The following COX5A variants were observed in gnomAD, a reference collection of about 807,000 sequenced individuals.
COX5A encodes cytochrome c oxidase subunit 5A, mitochondrial.
COX5A carries 6 observed loss-of-function variants against 16.1 expected under a neutral mutation model. The observed-to-expected ratio is 0.37, with a 90% CI of 0.20 to 0.73. COX5A has a LOEUF of 0.73. COX5A is among the 30% of genes least tolerant of loss of function. The pLI, the probability that COX5A is intolerant of heterozygous loss-of-function variation, is 0.50. For missense variants in COX5A, 159 were observed against 194.9 expected (o/e 0.82, Z 1.10); for synonymous variants, 73 against 73.8 (o/e 0.99, Z 0.06).
intron 1 of COX5A, among the ~76,000 whole-genome samples, chr15:74,930,727 A>T (rs1296799033): frequency 6.7e-6 from 1 of 149,282 alleles, no homozygotes; most frequent in East Asian, 2.0e-4. Context: ...TAAAAAAAAA[A>T]AAATCTCGGG....
intron 3 of COX5A, among the ~76,000 whole-genome samples, chr15:74,924,358 G>A (rs1330017472): frequency 1.3e-5 from 2 of 151,962 alleles, no homozygotes; most frequent in African/African-American, 4.8e-5. Context: ...CCAACATGGT[G>A]AAACCCCGTC....
At chr15:74,921,689 C>T (rs1014317639) in intron 4 of COX5A, among the ~76,000 whole-genome samples, 2 of 152,170 alleles carry the variant, frequency 1.3e-5, no homozygotes, top group Non-Finnish European at 2.9e-5. Flanking sequence ...GAGGTCGTGC[C>T]ACTGTACTCC....
chr15:74,932,760 G>C (rs1048317478), intron 1 of COX5A, among the ~76,000 whole-genome samples: 1 of 150,840 alleles, frequency 6.6e-6, no homozygotes, highest in African/African-American at 2.4e-5. Flanking sequence ...GCAATGGCAC[G>C]ATTTCGGCTC....
intron 4 of COX5A, 105 bp from the exon 5 acceptor site, chr15:74,920,547 T>C (rs1422165660): frequency 2.5e-5 from 16 of 636,526 alleles, no homozygotes; most frequent in Non-Finnish European, 4.1e-5. Flanking sequence ...ACTGTCTCTC[T>C]GTACCCTTTA....
chr15:74,926,653 A>T, intron 3 of COX5A, 113 bp downstream of exon 3: 1 of 1,078,926 alleles, frequency 9.3e-7, no homozygotes, highest in Non-Finnish European at 1.3e-6. Context: ...CCTTCTAGTT[A>T]TATAAGGACT....
At chr15:74,921,186 T>C (rs1208217692) in intron 4 of COX5A, among the ~76,000 whole-genome samples, 1 of 151,140 alleles carries the variant, frequency 6.6e-6, no homozygotes, top group Non-Finnish European at 1.5e-5. Flanking sequence ...GGCAGGCAGA[T>C]CGCGAAGTCA....
In COX5A at chr15:74,921,053, C is replaced by G. The variant is rs1410070416; in HGVS notation, c.*10-611G>C. On this transcript the variant is annotated intron_variant, in intron 4 of 4. Transcript: ENST00000322347. ...CTACATAAAAAAGATCTTCTGGACC[C>G]CTTGGAATAATACTTGATAAAATGA... Among the ~76,000 whole-genome samples the G allele has an allele frequency of 2.0e-5, 3 of 152,056 alleles. No individual in the cohort carries two copies. In the East Asian group the frequency reaches 5.8e-4, roughly 29 times the overall value.
intron 1 of COX5A, among the ~76,000 whole-genome samples, chr15:74,936,645 G>A (rs1158873318): frequency 9.2e-5 from 2 of 21,734 alleles, no homozygotes; most frequent in African/African-American, 2.4e-4. Flanking sequence ...TTTTTTTTTT[G>A]AGACGGAGTC....
chr15:74,928,122 T>G (rs1459021506), intron 2 of COX5A, among the ~76,000 whole-genome samples: 2 of 152,240 alleles, frequency 1.3e-5, no homozygotes, highest in Non-Finnish European at 2.9e-5. Flanking sequence ...TTTAAAGCAC[T>G]TAGGTTTCTT....
intron 4 of COX5A, among the ~76,000 whole-genome samples, chr15:74,922,489 T>A (rs1691461745): frequency 6.6e-6 from 1 of 152,042 alleles, no homozygotes; most frequent in African/African-American, 2.4e-5. Context: ...GAATTCTGAA[T>A]ATTTTTCTTT....
chr15:74,928,575 C>T (rs987268601), intron 2 of COX5A, among the ~76,000 whole-genome samples: 27 of 152,206 alleles, frequency 1.8e-4, no homozygotes, highest in African/African-American at 4.8e-4. Context: ...TTAGTAGAGA[C>T]GGGGTTTCAC....
chr15:74,935,198 G>A (rs2065383631), intron 1 of COX5A, among the ~76,000 whole-genome samples: 1 of 152,080 alleles, frequency 6.6e-6, no homozygotes, highest in Admixed American at 6.6e-5. Context: ...GGGAGGCTGA[G>A]GTGGAAGGAT....
At chr15:74,935,069 A>C (rs146741119) in intron 1 of COX5A, among the ~76,000 whole-genome samples, 1 of 152,338 alleles carries the variant, frequency 6.6e-6, no homozygotes, top group East Asian at 1.9e-4. Context: ...TTAATAAATA[A>C]TCAACCCTGA....
chr15:74,929,475 G>A (rs899083955), intron 1 of COX5A, among the ~76,000 whole-genome samples: 8 of 152,082 alleles, frequency 5.3e-5, no homozygotes, highest in South Asian at 4.1e-4. Context: ...TATAATACTC[G>A]CTTGAAATTA....
chr15:74,931,143 G>A (rs2065365667), intron 1 of COX5A, among the ~76,000 whole-genome samples: 1 of 149,244 alleles, frequency 6.7e-6, no homozygotes, highest in African/African-American at 2.5e-5. Context: ...AAAATATTCT[G>A]ATAAATCCCC....
chr15:74,929,450 C>T (rs1305195266), intron 1 of COX5A, among the ~76,000 whole-genome samples: 2 of 152,190 alleles, frequency 1.3e-5, no homozygotes, highest in Non-Finnish European at 1.5e-5. Flanking sequence ...CATGTTTATA[C>T]TTTTCTCCCT....
At chr15:74,935,250 A>G (rs574612959) in intron 1 of COX5A, among the ~76,000 whole-genome samples, 53 of 149,866 alleles carry the variant, frequency 3.5e-4, no homozygotes, top group Non-Finnish European at 7.0e-4. Flanking sequence ...AGCTGTGCCA[A>G]CTGCACTGCA....
intron 1 of COX5A, among the ~76,000 whole-genome samples, chr15:74,931,594 C>G (rs1432471842): frequency 6.0e-5 from 9 of 149,948 alleles, no homozygotes; most frequent in Non-Finnish European, 3.0e-5. Flanking sequence ...CACTCTGTCA[C>G]CCAGGCTGAA....
chr15:74,922,615 A>G (rs1228276645), intron 4 of COX5A, among the ~76,000 whole-genome samples: 2 of 151,892 alleles, frequency 1.3e-5, no homozygotes, highest in Admixed American at 1.3e-4. Flanking sequence ...TTAGCCTCCC[A>G]AAGTGCTGAG....
Sources: allele counts gnomAD v4.1 joint callset (sites outside exome capture counted in the v4.1 genomes callset), GRCh38; gene constraint gnomAD v4.1.1; transcripts MANE v1.5; gene names NCBI Gene and HGNC (gene_info 2026-07-23, HGNC 2026-07-21).